Variants in SLC26A9 observed in about 807,000 individuals in gnomAD.
SLC26A9 encodes anion transporter/exchanger protein 9.
Under a neutral mutation model 87.1 loss-of-function variants are expected in SLC26A9, and 46 were observed. The ratio of observed to expected loss-of-function variants is 0.53; its 90% confidence interval spans 0.42 to 0.67. The LOEUF (loss-of-function observed/expected upper bound fraction) is 0.67, where lower values mean the gene tolerates loss of function less well. Ranked by LOEUF, SLC26A9 falls within the 30% of genes least tolerant of loss-of-function variation. SLC26A9 has a pLI of 0.00. For synonymous variants in SLC26A9, 437 were observed against 409.1 expected (o/e 1.07, Z -0.82); for missense variants, 927 against 1,018.3 (o/e 0.91, Z 1.22).
chr1:205,918,610 A>G (rs1658692753), intron 19 of SLC26A9, among the ~76,000 whole-genome samples: 1 of 152,268 alleles, frequency 6.6e-6, no homozygotes, highest in South Asian at 2.1e-4. Flanking sequence ...GTGACACAAA[A>G]GATGTAATTA....
chr1:205,926,466 T>C, intron 12 of SLC26A9, 69 bp downstream of exon 12: 1 of 1,288,196 alleles, frequency 7.8e-7, no homozygotes, highest in South Asian at 1.2e-5. Context: ...AGGACAGGGC[T>C]GACAGGGCTG....
chr1:205,922,164 T>A (rs1658867762), intron 16 of SLC26A9, among the ~76,000 whole-genome samples: 1 of 151,944 alleles, frequency 6.6e-6, no homozygotes, highest in East Asian at 1.9e-4. Context: ...TGAGACAGAG[T>A]CTCCCTCTGT....
intron 1 of SLC26A9, among the ~76,000 whole-genome samples, chr1:205,939,027 T>C (rs1659632153): frequency 6.6e-6 from 1 of 152,174 alleles, no homozygotes; most frequent in Admixed American, 6.5e-5. Flanking sequence ...CTTGCTTTAC[T>C]GGAATACCAA....
At chr1:205,920,134 C>G (rs750765811) in intron 18 of SLC26A9, 42 bp downstream of exon 18, 1 of 1,612,008 alleles carries the variant, frequency 6.2e-7, no homozygotes, top group South Asian at 1.1e-5. Context: ...ACCCCACACT[C>G]CTTGCCAGTC....
At chr1:205,933,169 T>A in intron 2 of SLC26A9, 85 bp from the exon 3 acceptor site, 1 of 1,545,312 alleles carries the variant, frequency 6.5e-7, no homozygotes, top group Non-Finnish European at 8.8e-7. Flanking sequence ...ATCCTGCTCA[T>A]TTCATTCATT....
At chr1:205,932,854 C>T (rs1208701637) in intron 3 of SLC26A9, 42 bp from the exon 4 acceptor site, 3 of 1,596,756 alleles carry the variant, frequency 1.9e-6, no homozygotes, top group Non-Finnish European at 2.6e-6. Context: ...GCATGACTAG[C>T]TTATGGGGAT....
chr1:205,921,420 G>C (rs1658821525), intron 17 of SLC26A9, 146 bp downstream of exon 17: 5 of 1,092,874 alleles, frequency 4.6e-6, no homozygotes, highest in Non-Finnish European at 5.1e-6. Flanking sequence ...GGCGTCTGGG[G>C]AAAGGAGGGA....
intron 12 of SLC26A9, chr1:205,924,791 A>C: frequency 3.3e-6 from 1 of 302,910 alleles, no homozygotes; most frequent in Non-Finnish European, 6.2e-6. Flanking sequence ...TTGGGTTCAA[A>C]ATGTGTTTGT....
chr1:205,925,561 C>T (rs758201950), intron 12 of SLC26A9, among the ~76,000 whole-genome samples: 1 of 152,200 alleles, frequency 6.6e-6, no homozygotes, highest in African/African-American at 2.4e-5. Context: ...TCCCTGTCCT[C>T]ATCACTGTCT....
In SLC26A9 at chr1:205,923,070, G is replaced by T; in HGVS notation, c.1773+12C>A. ...AGAGCAGGGCACGGGGCTGCTTCTGGCCTTCATTCACCTTGGTTTTCATGA... is the reference window on the plus strand; with the variant it reads ...AGAGCAGGGCACGGGGCTGCTTCTGTCCTTCATTCACCTTGGTTTTCATGA... On this transcript the variant is annotated intron_variant, in intron 16 of 20. Coordinates refer to ENST00000367135, the MANE Select transcript of SLC26A9 (RefSeq NM_052934.4). 1.2e-6 allele frequency: 2 copies of T among 1,610,736 alleles called. No homozygotes were observed. Among genetic ancestry groups the T allele is most frequent in the Non-Finnish European group, 1.7e-6 (2 of 1,177,008 alleles).
At chr1:205,933,125 G>C (rs371938292) in intron 2 of SLC26A9, 41 bp from the exon 3 acceptor site, 92 of 1,612,860 alleles carry the variant, frequency 5.7e-5, no homozygotes, top group Non-Finnish European at 7.5e-5. Context: ...GCTCTGCATG[G>C]CTTGGACATT....
chr1:205,923,028 G>A, intron 16 of SLC26A9, 54 bp downstream of exon 16: 3 of 1,534,982 alleles, frequency 2.0e-6, no homozygotes, highest in South Asian at 2.2e-5. Context: ...ACAGGGGGCA[G>A]TATCAGAATG....
rs1197815596 is a variant in SLC26A9, at chr1:205,943,378, A to G, written c.-32T>C. 3 of 152,344 alleles carry G rather than the reference A, an allele frequency of 2.0e-5. No individual in the cohort carries two copies. The highest frequency in any genetic ancestry group is 4.4e-5 in the Non-Finnish European group (3 of 68,252). 9.4% of individuals were successfully genotyped at this position (152,344 alleles called of 1,614,324 possible). A position where few individuals can be genotyped will look rare whatever the true frequency, so the allele number is the denominator to read the frequency against. On this transcript the variant is annotated 5_prime_UTR_variant, in exon 1 of 21. Coordinates refer to ENST00000367135, the MANE Select transcript of SLC26A9 (RefSeq NM_052934.4). ...GGTGGGGCTTACCAGTGGGTGAGCA[A>G]AGCCGGCTGGGCAGGGCTGCAGGTG...
intron 16 of SLC26A9, 139 bp from the exon 17 acceptor site, chr1:205,921,986 C>A: frequency 8.4e-7 from 1 of 1,184,798 alleles, no homozygotes. Context: ...ACCCTGAAAG[C>A]TCCACCAGAG....
At position 205,914,735 on chromosome 1, in the gene SLC26A9, G is replaced by A; in HGVS notation, c.*622C>T. On this transcript the variant is annotated 3_prime_UTR_variant, in exon 21 of 21. Transcript: ENST00000367135. ...TGATGTGCTTGCTGACAGCAGTGGT[G>A]GTTTGGGCAGCCTTGGGGATGATGG... 1 of 904,024 alleles carries A rather than the reference G, an allele frequency of 1.1e-6. No homozygotes were observed. The highest frequency in any genetic ancestry group is 2.5e-5 in the East Asian group (1 of 39,332). 56.0% of individuals were successfully genotyped at this position (904,024 alleles called of 1,614,324 possible).
rs769432685 is a variant in SLC26A9 at position 205,927,946 on chromosome 1, G to A, written c.1057C>T (p.Arg353Trp). The change falls in exon 9 of 21, where the codon CGG (arginine) becomes TGG (tryptophan). Residue 353 changes from arginine (R) to tryptophan (W), a missense_variant. Transcript: ENST00000367135. ...TAGCCGTGCTTGTTGGCCAGGGTCC[G>A]GCCCATAGCCAGGTTGATGACGTAG... ...VSYVINLAMG[R>W]TLANKHGYDV... 8 of 1,614,084 alleles carry A rather than the reference G, an allele frequency of 5.0e-6. No homozygotes were observed. The highest frequency in any genetic ancestry group is 4.0e-5 in the African/African-American group (3 of 74,944).
chr1:205,932,873 G>T lies in SLC26A9; in HGVS notation c.266-61C>A, dbSNP rs1043435160. On this transcript the variant is annotated intron_variant, in intron 3 of 20. Coordinates refer to ENST00000367135, the MANE Select transcript of SLC26A9 (RefSeq NM_052934.4). ...GACTAGCTTATGGGGATCACAGAGG[G>T]ATGGAGTGGGGATGAGGAGAGGAAT... The T allele has an allele frequency of 2.5e-6, 4 of 1,603,398 alleles. No homozygotes were observed. In the African/African-American group the frequency reaches 5.4e-5, roughly 21 times the overall value.
At chr1:205,918,463 C>T (rs561946913) in intron 19 of SLC26A9, among the ~76,000 whole-genome samples, 1 of 152,272 alleles carries the variant, frequency 6.6e-6, no homozygotes, top group East Asian at 1.9e-4. Context: ...TTCCCGAAAG[C>T]CCCCTTTAGA....
At position 205,915,328 on chromosome 1, in the gene SLC26A9, T is replaced by C. The variant is rs1250107221; in HGVS notation, c.*29A>G. 2.5e-6 allele frequency: 4 copies of C among 1,613,904 alleles called. No homozygotes were observed. Among genetic ancestry groups the C allele is most frequent in the Non-Finnish European group, 3.4e-6 (4 of 1,179,942 alleles). On this transcript the variant is annotated 3_prime_UTR_variant, in exon 21 of 21. Coordinates refer to ENST00000367135, the MANE Select transcript of SLC26A9 (RefSeq NM_052934.4). Reference sequence around the variant, plus strand: ...TGGAAGTCCCAAGTGCCAGGCACTCTGTAGGCAGCATGAGGACTGGCTGAG... The same window carrying C: ...TGGAAGTCCCAAGTGCCAGGCACTCCGTAGGCAGCATGAGGACTGGCTGAG...
Sources: allele counts gnomAD v4.1 joint callset (sites outside exome capture counted in the v4.1 genomes callset), GRCh38; gene constraint gnomAD v4.1.1; transcripts MANE v1.5; gene names NCBI Gene and HGNC (gene_info 2026-07-23, HGNC 2026-07-21).